Variants in CDADC1 observed in about 807,000 individuals in gnomAD.
CDADC1 encodes dCTP deaminase.
CDADC1 carries 39 observed loss-of-function variants against 54.9 expected under a neutral mutation model. That is an observed-to-expected ratio of 0.71 (90% CI 0.55 to 0.93). The LOEUF is 0.93. Ranked by LOEUF, CDADC1 falls within the 40% of genes least tolerant of loss-of-function variation. The pLI, the probability that CDADC1 is intolerant of heterozygous loss-of-function variation, is 0.00. For missense variants in CDADC1, 518 were observed against 618.8 expected, an observed-to-expected ratio of 0.84 and a Z score of 1.73; for synonymous variants, 186 against 204.0, an observed-to-expected ratio of 0.91 and a Z score of 0.75.
chr13:49,249,810 G>A (rs1413354954), intron 2 of CDADC1, among the ~76,000 whole-genome samples: 1 of 152,032 alleles, frequency 6.6e-6, no homozygotes, highest in African/African-American at 2.4e-5. Context: ...AACATCCTGC[G>A]TCTTTTCTTT....
At chr13:49,264,400 G>A (rs1952762397) in intron 4 of CDADC1, among the ~76,000 whole-genome samples, 1 of 151,966 alleles carries the variant, frequency 6.6e-6, no homozygotes, top group South Asian at 2.1e-4. Context: ...CTCTGAAAGG[G>A]AAAACACCTT....
At chr13:49,286,843 C>A (rs949050713) in intron 9 of CDADC1, among the ~76,000 whole-genome samples, 6 of 152,188 alleles carry the variant, frequency 3.9e-5, no homozygotes, top group African/African-American at 1.4e-4. Context: ...AGAAGTCTTA[C>A]AATTCTTTAG....
At chr13:49,281,501 A>T (rs1229572016) in intron 8 of CDADC1, among the ~76,000 whole-genome samples, 3 of 152,172 alleles carry the variant, frequency 2.0e-5, no homozygotes, top group Admixed American at 2.0e-4. Context: ...CGCAGCCTAG[A>T]TCCCTCAGGT....
intron 3 of CDADC1, among the ~76,000 whole-genome samples, chr13:49,258,244 G>T (rs1952596008): frequency 6.6e-6 from 1 of 152,190 alleles, no homozygotes; most frequent in African/African-American, 2.4e-5. Flanking sequence ...CAGATATGCT[G>T]TATTGGGGGA....
At position 49,267,875 on chromosome 13, in the gene CDADC1, A is replaced by G. The variant is rs775955896; in HGVS notation, c.816A>G (p.Leu272=). The G allele has an allele frequency of 2.5e-6, 4 of 1,614,044 alleles. No homozygotes were observed. In the East Asian group the frequency reaches 8.9e-5, roughly 36 times the overall value. The change falls in exon 5 of 10, where the codon CTA becomes CTG. Residue 272 remains leucine (L), a synonymous_variant. Coordinates refer to ENST00000251108, the MANE Select transcript of CDADC1 (RefSeq NM_030911.4). ...NLCENPYFSN[L]RQNMKDLILL... ...GTGAAAATCCATACTTTAGCAATCT[A>G]AGGCAAAACATGAAAGACCTTATCC...
intron 7 of CDADC1, among the ~76,000 whole-genome samples, chr13:49,280,081 G>A (rs1279926244): frequency 6.6e-6 from 1 of 152,148 alleles, no homozygotes; most frequent in Non-Finnish European, 1.5e-5. Context: ...TGTGTCATTT[G>A]TCTAACAAGA....
intron 1 of CDADC1, chr13:49,248,387 A>G (rs1952345470): frequency 4.7e-6 from 2 of 422,468 alleles, no homozygotes; most frequent in Middle Eastern, 6.1e-4. Context: ...GAGCCTGAAC[A>G]TTTCCAAACG....
chr13:49,267,509 A>G lies in CDADC1; in HGVS notation c.450A>G (p.Ser150=), dbSNP rs139903827. The G allele has an allele frequency of 1.2e-6, 2 of 1,612,078 alleles. No homozygotes were observed. The highest frequency in any genetic ancestry group is 1.1e-5 in the South Asian group (1 of 90,742). ...MIVNAGVNRI[S]YWPADPEISL... is the part of the protein sequence containing the mutation. ...TTTCAGCTGGAGTTAACCGAATTTC[A>G]TACTGGCCTGCTGATCCAGAAATAA... Residue 150 remains serine (S), a synonymous_variant, in exon 5 of 10, where the codon TCA becomes TCG. Coordinates refer to ENST00000251108, the MANE Select transcript of CDADC1 (RefSeq NM_030911.4).
intron 5 of CDADC1, among the ~76,000 whole-genome samples, chr13:49,270,954 T>C (rs79315291): frequency 6.6e-6 from 1 of 152,342 alleles, no homozygotes; most frequent in African/African-American, 2.4e-5. Flanking sequence ...GATGACCTCA[T>C]TTCTCCCTAA....
At chr13:49,265,869 C>A in intron 4 of CDADC1, 1 of 1,300,716 alleles carries the variant, frequency 7.7e-7, no homozygotes, top group Non-Finnish European at 1.0e-6. Context: ...TTTTTCCCCT[C>A]TTGAATCAGG....
At chr13:49,253,370 C>T (rs1475469040) in intron 2 of CDADC1, among the ~76,000 whole-genome samples, 4 of 152,140 alleles carry the variant, frequency 2.6e-5, no homozygotes, top group Non-Finnish European at 5.9e-5. Flanking sequence ...AACTCTGGAT[C>T]CTACCCTTTT....
intron 4 of CDADC1, among the ~76,000 whole-genome samples, chr13:49,260,492 A>G (rs1176541200): frequency 6.6e-6 from 1 of 152,198 alleles, no homozygotes; most frequent in Admixed American, 6.5e-5. Flanking sequence ...GAAGTCACAT[A>G]CATCATTTCT....
chr13:49,247,995 A>C lies in CDADC1; in HGVS notation c.-43A>C. ...GGCGCTAGGGCCGAGATCATGTCTG[A>C]CTGGGAGAGGTTTCCTTGGCAGCAG... On this transcript the variant is annotated 5_prime_UTR_variant, in exon 1 of 10. Coordinates refer to ENST00000251108, the MANE Select transcript of CDADC1 (RefSeq NM_030911.4). 6.5e-7 allele frequency: 1 copy of C among 1,528,408 alleles called. No homozygotes were observed. The highest frequency in any genetic ancestry group is 8.9e-7 in the Non-Finnish European group (1 of 1,126,182). 94.7% of individuals were successfully genotyped at this position (1,528,408 alleles called of 1,614,324 possible).
chr13:49,280,597 G>C lies in CDADC1; in HGVS notation c.1309G>C (p.Gly437Arg), dbSNP rs1457357376. Residue 437 changes from glycine (G) to arginine (R), a missense_variant, in exon 8 of 10, where the codon GGC (glycine) becomes CGC (arginine). Coordinates refer to ENST00000251108, the MANE Select transcript of CDADC1 (RefSeq NM_030911.4). ...DECVPLIKGA[G>R]IKQIYAGDVD... ...GTGTGTACCTTTAATTAAAGGTGCA[G>C]GCATAAAACAAATCTATGCAGGAGA... 1 of 1,592,768 alleles carries C rather than the reference G, an allele frequency of 6.3e-7. No individual in the cohort carries two copies. The highest frequency in any genetic ancestry group is 8.6e-7 in the Non-Finnish European group (1 of 1,169,028).
chr13:49,281,403 AAGAC>A (rs1555315105), intron 8 of CDADC1, among the ~76,000 whole-genome samples: 5 of 152,154 alleles, frequency 3.3e-5, no homozygotes, highest in Non-Finnish European at 7.3e-5. Context: ...GGTTTTGTGG[AAGAC>A]AATTTTTCCA....
chr13:49,250,340 G>A (rs1276339969), intron 2 of CDADC1, among the ~76,000 whole-genome samples: 1 of 152,172 alleles, frequency 6.6e-6, no homozygotes, highest in African/African-American at 2.4e-5. Flanking sequence ...AAAAAACATG[G>A]TCTTTATTTT....
At chr13:49,287,216 A>G (rs1455116742) in intron 9 of CDADC1, among the ~76,000 whole-genome samples, 1 of 152,194 alleles carries the variant, frequency 6.6e-6, no homozygotes, top group Non-Finnish European at 1.5e-5. Flanking sequence ...AACAGTAACT[A>G]TATTATCGAA....
In CDADC1 at chr13:49,248,945, G is replaced by A. The variant is rs1471473929; in HGVS notation, c.157G>A (p.Ala53Thr). Residue 53 changes from alanine (A) to threonine (T), a missense_variant, in exon 2 of 10, where the codon GCC (alanine) becomes ACC (threonine). By Grantham distance (58) the Ala-to-Thr change is moderately conservative. Coordinates refer to ENST00000251108, the MANE Select transcript of CDADC1 (RefSeq NM_030911.4). The part of the protein sequence containing the change: ...SLWMELFPAE[A>T]QRQKSQKNEE... ...CTGGATGGAGCTCTTTCCAGCAGAA[G>A]CCCAGCGGCAAAAATCTCAGGTATA... 1.9e-6 allele frequency: 3 copies of A among 1,610,264 alleles called. No homozygotes were observed. The highest frequency in any genetic ancestry group is 2.5e-6 in the Non-Finnish European group (3 of 1,176,652).
intron 2 of CDADC1, among the ~76,000 whole-genome samples, chr13:49,254,172 C>A (rs1952492428): frequency 6.6e-6 from 1 of 152,178 alleles, no homozygotes; most frequent in Non-Finnish European, 1.5e-5. Flanking sequence ...ATTATTACCA[C>A]TACTAGCACC....
Sources: gnomAD v4.1 joint callset for allele counts (sites outside exome capture counted in the v4.1 genomes callset) on GRCh38, gnomAD v4.1.1 for gene constraint, MANE v1.5 for transcripts, NCBI Gene and HGNC (gene_info 2026-07-23, HGNC 2026-07-21) for gene names.